Variants in CACNA1E observed in about 807,000 individuals in gnomAD.
The protein encoded by CACNA1E is voltage-dependent R-type calcium channel subunit alpha-1E.
Under a neutral mutation model 259.2 loss-of-function variants are expected in CACNA1E, and 40 were observed. The observed-to-expected ratio is 0.15, with a 90% CI of 0.12 to 0.20. The LOEUF (loss-of-function observed/expected upper bound fraction) is 0.20. Ranked by LOEUF, CACNA1E falls within the 10% of genes least tolerant of loss-of-function variation. The probability of loss-of-function intolerance (pLI) is 1.00; values close to 1 mark genes in which losing one functional copy is unlikely to be tolerated. For synonymous variants in CACNA1E, 1,104 were observed against 1,138.5 expected (o/e 0.97, Z 0.61); for missense variants, 1,874 against 3,040.1 (o/e 0.62, Z 9.02).
chr1:181,733,675 G>A lies in CACNA1E; in HGVS notation c.3187G>A (p.Ala1063Thr). The change falls in exon 21 of 48, where the codon GCC (alanine) becomes ACC (threonine). Residue 1063 changes from alanine to threonine, a missense_variant. Ala to Thr is a moderately conservative substitution (Grantham distance 58). Coordinates refer to ENST00000367573, the MANE Select transcript of CACNA1E (RefSeq NM_001205293.3). ...CTGCATCACGGCCAACACGGACAAGGCCACCACCGAGAGCACCAGCGTCAC... is the reference window on the plus strand; with the variant it reads ...CTGCATCACGGCCAACACGGACAAGACCACCACCGAGAGCACCAGCGTCAC... Reference protein sequence around the residue: ...LSCITANTDKATTESTSVTVA... With the variant: ...LSCITANTDKTTTESTSVTVA... 2 of 1,608,610 alleles carry A rather than the reference G, an allele frequency of 1.2e-6. No individual in the cohort carries two copies. Among genetic ancestry groups the A allele is most frequent in the Middle Eastern group, 1.7e-4 (1 of 6,036 alleles).
intron 2 of CACNA1E, among the ~76,000 whole-genome samples, chr1:181,477,814 T>C (rs1422673343): frequency 6.6e-6 from 1 of 152,202 alleles, no homozygotes; most frequent in Non-Finnish European, 1.5e-5. Context: ...CACATACTTA[T>C]TGTGTGCAAG....
intron 2 of CACNA1E, among the ~76,000 whole-genome samples, chr1:181,465,520 AT>A (rs1482667597): frequency 6.6e-6 from 1 of 151,710 alleles, no homozygotes; most frequent in East Asian, 1.9e-4. Context: ...TATTTTCTCT[AT>A]TTTTATCTCC....
Position 181,790,494 on chromosome 1 carries a change from A to G in CACNA1E, c.5836A>G (p.Ile1946Val), listed in dbSNP as rs567484183. 1.9e-6 allele frequency: 3 copies of G among 1,613,606 alleles called. No homozygotes were observed. Among genetic ancestry groups the G allele is most frequent in the African/African-American group, 2.7e-5 (2 of 74,890 alleles). Reference protein sequence around the residue: ...PSMSPLSPQDIFQLACMDPAD... With the variant: ...PSMSPLSPQDVFQLACMDPAD... ...GATGAGTCCACTCTCTCCCCAGGAT[A>G]TATTCCAGTTGGCTTGTATGGACCC... is the stretch of plus-strand genomic sequence containing the variant. Residue 1946 changes from isoleucine to valine, a missense_variant, in exon 44 of 48, where the codon ATA (isoleucine) becomes GTA (valine). This residue lies in a region of CACNA1E where 542 missense variants were observed against 587.2 expected (regional missense o/e 0.92). Coordinates refer to ENST00000367573, the MANE Select transcript of CACNA1E (RefSeq NM_001205293.3).
Position 181,732,415 on chromosome 1 carries a change from G to C in CACNA1E, c.2329G>C (p.Val777Leu). Residue 777 changes from valine (V) to leucine (L), a missense_variant, in exon 20 of 48, where the codon GTG (valine) becomes CTG (leucine). Physicochemically the swap from Val to Leu is conservative, Grantham distance 32. Around this residue, in one of 14 missense-constraint regions of CACNA1E, gnomAD observed 476 missense variants for 514.0 expected, o/e 0.93. Coordinates refer to ENST00000367573, the MANE Select transcript of CACNA1E (RefSeq NM_001205293.3). This position sits in a 1 kb window ranked among gnomAD's most constrained non-coding sequence, Gnocchi z 5.5. ...GCGGAGGCGCCGGCACCACATGTCC[G>C]TGTGGGAGCAGCGTACCAGCCAGCT... The part of the protein sequence containing the change: ...RERRRRHHMS[V>L]WEQRTSQLRK... The C allele has an allele frequency of 6.5e-7, 1 of 1,543,600 alleles. No individual in the cohort carries two copies. Among genetic ancestry groups the C allele is most frequent in the Non-Finnish European group, 8.7e-7 (1 of 1,143,306 alleles).
chr1:181,591,324 T>C (rs1331853535), intron 6 of CACNA1E, among the ~76,000 whole-genome samples: 1 of 152,232 alleles, frequency 6.6e-6, no homozygotes, highest in Admixed American at 6.5e-5. Context: ...TTTAAAAGAA[T>C]CAGGCCCCAG....
At chr1:181,444,400 G>A (rs1660683966) in intron 2 of CACNA1E, among the ~76,000 whole-genome samples, 1 of 152,120 alleles carries the variant, frequency 6.6e-6, no homozygotes. Flanking sequence ...AAAAGAGAGG[G>A]TGTAAGGTAC....
intron 2 of CACNA1E, among the ~76,000 whole-genome samples, chr1:181,423,088 A>C (rs574065119): frequency 8.1e-4 from 124 of 152,324 alleles, no homozygotes; most frequent in African/African-American, 2.8e-3. Flanking sequence ...AATTACGTAA[A>C]AACATCTATC....
At chr1:181,678,379 T>G (rs1157456827) in intron 7 of CACNA1E, among the ~76,000 whole-genome samples, 1 of 152,220 alleles carries the variant, frequency 6.6e-6, no homozygotes, top group Non-Finnish European at 1.5e-5. Context: ...AAAGTCACCA[T>G]TCACCTGAAA....
At chr1:181,399,909 C>T (rs1656969019) in intron 1 of CACNA1E, among the ~76,000 whole-genome samples, 1 of 152,190 alleles carries the variant, frequency 6.6e-6, no homozygotes, top group Non-Finnish European at 1.5e-5. Context: ...GCTAACAAAA[C>T]CCATGCCATA....
chr1:181,770,219 T>C (rs909662194), intron 35 of CACNA1E, among the ~76,000 whole-genome samples: 1 of 152,172 alleles, frequency 6.6e-6, no homozygotes, highest in Admixed American at 6.5e-5. Flanking sequence ...GAAAATTGTC[T>C]CAAATGACTG....
At chr1:181,379,779 G>A (rs879539303) in intron 1 of CACNA1E, among the ~76,000 whole-genome samples, 1 of 152,076 alleles carries the variant, frequency 6.6e-6, no homozygotes, top group Non-Finnish European at 1.5e-5. Context: ...ATATGAATTT[G>A]AGGGGGACAG....
At chr1:181,621,333 G>T (rs1327923914) in intron 6 of CACNA1E, among the ~76,000 whole-genome samples, 1 of 152,226 alleles carries the variant, frequency 6.6e-6, no homozygotes, top group African/African-American at 2.4e-5. Flanking sequence ...GTTATGGGGT[G>T]ACTTGTGGTG....
At chr1:181,419,611 G>T (rs926909528) in intron 2 of CACNA1E, among the ~76,000 whole-genome samples, 1 of 152,242 alleles carries the variant, frequency 6.6e-6, no homozygotes, top group African/African-American at 2.4e-5. Context: ...CAAGCTTCTT[G>T]AAAGCAGGGC....
At chr1:181,560,136 A>G (rs1436553613) in intron 3 of CACNA1E, among the ~76,000 whole-genome samples, 1 of 152,172 alleles carries the variant, frequency 6.6e-6, no homozygotes, top group African/African-American at 2.4e-5. Context: ...AGGCCCACCT[A>G]GACAGGGTCA....
chr1:181,720,684 G>T (rs1329726071), intron 14 of CACNA1E, 99 bp from the exon 15 acceptor site: 7 of 768,812 alleles, frequency 9.1e-6, no homozygotes, highest in African/African-American at 6.9e-5. Context: ...GGTTGTAGAA[G>T]AAAGGAGAAA....
At chr1:181,456,544 A>T (rs1293550789) in intron 2 of CACNA1E, among the ~76,000 whole-genome samples, 6 of 152,158 alleles carry the variant, frequency 3.9e-5, no homozygotes, top group African/African-American at 1.4e-4. Context: ...CCTTGCTTCA[A>T]GTAACTGACT....
Position 181,785,434 on chromosome 1 carries a change from A to G in CACNA1E, c.5679+16A>G, listed in dbSNP as rs1660770455. 1.3e-6 allele frequency: 2 copies of G among 1,548,754 alleles called. No individual in the cohort carries two copies. The highest frequency in any genetic ancestry group is 1.4e-5 in the African/African-American group (1 of 73,776). Reference sequence around the variant, plus strand: ...GGAGGAACAGGTGAAAGTCAATGCCAGCATGCTAAGTGGGTGGGCCATGAG... The same window carrying G: ...GGAGGAACAGGTGAAAGTCAATGCCGGCATGCTAAGTGGGTGGGCCATGAG... On this transcript the variant is annotated intron_variant, in intron 42 of 47. Transcript: ENST00000367573.
intron 18 of CACNA1E, 77 bp from the exon 19 acceptor site, chr1:181,731,098 G>A (rs567036635): frequency 6.8e-6 from 8 of 1,171,776 alleles, no homozygotes; most frequent in Middle Eastern, 1.9e-4. Flanking sequence ...TCTCCCTCTG[G>A]AAATCTGCTG....
intron 3 of CACNA1E, among the ~76,000 whole-genome samples, chr1:181,544,428 G>A (rs754009208): frequency 6.6e-6 from 1 of 151,474 alleles, no homozygotes. Flanking sequence ...TGAATTGTAC[G>A]CTTTAGAAGG....
Sources: gnomAD v4.1 joint callset for allele counts (sites outside exome capture counted in the v4.1 genomes callset) on GRCh38, gnomAD v4.1.1 for gene constraint, gnomAD v4.1.1 regional missense constraint, Gnocchi (gnomAD v3.1) non-coding constraint, MANE v1.5 for transcripts, NCBI Gene and HGNC (gene_info 2026-07-23, HGNC 2026-07-21) for gene names.